SPTLC1: variants seen among roughly 807,000 people sequenced by gnomAD.
SPTLC1 encodes serine palmitoyltransferase long chain base subunit 1, also known as serine palmitoyltransferase 1.
SPTLC1 carries 55 observed loss-of-function variants against 68.9 expected under a neutral mutation model. That is an observed-to-expected ratio of 0.80 (90% CI 0.64 to 1.00). The LOEUF (loss-of-function observed/expected upper bound fraction) is 1.00, where lower values mean the gene tolerates loss of function less well. Ranked by LOEUF, SPTLC1 falls within the 50% of genes least tolerant of loss-of-function variation. The pLI, the probability that SPTLC1 is intolerant of heterozygous loss-of-function variation, is 0.00. For synonymous variants in SPTLC1, 197 were observed against 201.6 expected (o/e 0.98, Z 0.19); for missense variants, 449 against 573.1 (o/e 0.78, Z 2.21).
rs537140001 is a variant in SPTLC1 at position 92,032,477 on chromosome 9, G to A, written c.1410C>T (p.Ala470=). ...AASTIKEVAQ[A]VLL ...CCCGGGACTCTGCCTAGAGCAGGAC[G>A]GCCTGGGCTACCTCCTTGATGGTGG... Residue 470 remains alanine, a synonymous_variant, in exon 15 of 15, where the codon GCC becomes GCT. Transcript: ENST00000262554. 72 of 1,614,184 alleles carry A rather than the reference G, an allele frequency of 4.5e-5. No individual in the cohort carries two copies. In the East Asian group the frequency reaches 1.2e-3, roughly 28 times the overall value.
chr9:92,090,625 A>C (rs913281409), intron 3 of SPTLC1, among the ~76,000 whole-genome samples: 31 of 152,054 alleles, frequency 2.0e-4, no homozygotes, highest in African/African-American at 7.5e-4. Flanking sequence ...AAACAAACAA[A>C]AAAAAATTGG....
intron 2 of SPTLC1, chr9:92,111,153 T>C (rs1245546253): frequency 6.6e-6 from 1 of 152,170 alleles, no homozygotes; most frequent in Non-Finnish European, 1.5e-5. Flanking sequence ...ATTTCCAAAT[T>C]AATTTTCCTA....
chr9:92,058,993 G>A (rs935870998), intron 7 of SPTLC1, among the ~76,000 whole-genome samples, 186 bp downstream of exon 7: 3 of 152,068 alleles, frequency 2.0e-5, no homozygotes, highest in Non-Finnish European at 4.4e-5. Flanking sequence ...ATGTAATTAC[G>A]GCAATGACAA....
chr9:92,080,415 G>T (rs901562186), intron 4 of SPTLC1, among the ~76,000 whole-genome samples: 10 of 152,174 alleles, frequency 6.6e-5, no homozygotes, highest in African/African-American at 2.4e-4. Context: ...GTTCAGTTCT[G>T]TGGTTGCTGC....
intron 6 of SPTLC1, among the ~76,000 whole-genome samples, chr9:92,063,395 C>A (rs1834170623): frequency 6.6e-6 from 1 of 152,064 alleles, no homozygotes; most frequent in Admixed American, 6.6e-5. Flanking sequence ...AAAAAGAAAT[C>A]TCTCCAGGCC....
chr9:92,089,940 A>G (rs933056139), intron 3 of SPTLC1, among the ~76,000 whole-genome samples: 6 of 152,244 alleles, frequency 3.9e-5, no homozygotes, highest in South Asian at 2.1e-4. Flanking sequence ...CCAAGGCTGC[A>G]GGGCAAATAA....
chr9:92,046,769 G>C (rs1218958027), intron 11 of SPTLC1, among the ~76,000 whole-genome samples: 5 of 152,172 alleles, frequency 3.3e-5, no homozygotes, highest in Non-Finnish European at 7.3e-5. Context: ...AAGGCTAAAG[G>C]TGAAAACTCA....
intron 2 of SPTLC1, chr9:92,111,204 T>A (rs1234588554): frequency 6.6e-6 from 1 of 152,154 alleles, no homozygotes; most frequent in African/African-American, 2.4e-5. Context: ...ACAGAACTAG[T>A]CATACTTTAC....
intron 6 of SPTLC1, among the ~76,000 whole-genome samples, chr9:92,059,525 C>T (rs761442469): frequency 2.0e-5 from 3 of 152,142 alleles, no homozygotes; most frequent in South Asian, 2.1e-4. Context: ...AAGAAGCACA[C>T]TCTCACTATA....
intron 1 of SPTLC1, among the ~76,000 whole-genome samples, chr9:92,113,325 T>G (rs1836313945): frequency 6.6e-6 from 1 of 152,140 alleles, no homozygotes; most frequent in South Asian, 2.1e-4. Context: ...ACCCTTTTAG[T>G]TTTCTCAATA....
intron 5 of SPTLC1, among the ~76,000 whole-genome samples, chr9:92,075,447 T>C (rs1564101589): frequency 6.6e-6 from 1 of 152,156 alleles, no homozygotes; most frequent in East Asian, 1.9e-4. Flanking sequence ...AAAAAGGCCC[T>C]AGAGGCAACC....
At chr9:92,054,051 G>A in intron 8 of SPTLC1, 1 of 683,154 alleles carries the variant, frequency 1.5e-6, no homozygotes, top group Non-Finnish European at 1.8e-6. Flanking sequence ...GGAGGCCAAG[G>A]AGGGTGGATC....
At chr9:92,072,891 C>T (rs954300321) in intron 5 of SPTLC1, among the ~76,000 whole-genome samples, 2 of 151,952 alleles carry the variant, frequency 1.3e-5, no homozygotes, top group Non-Finnish European at 2.9e-5. Context: ...CTTCCATCTA[C>T]CTCTCCTTCT....
At chr9:92,041,564 G>A (rs1312476288) in intron 12 of SPTLC1, among the ~76,000 whole-genome samples, 1 of 152,176 alleles carries the variant, frequency 6.6e-6, no homozygotes, top group Non-Finnish European at 1.5e-5. Context: ...CTGAAGAAAC[G>A]ATCAAGCCTT....
chr9:92,061,365 GA>G (rs1443732741), intron 6 of SPTLC1, among the ~76,000 whole-genome samples: 1 of 152,144 alleles, frequency 6.6e-6, no homozygotes, highest in Non-Finnish European at 1.5e-5. Flanking sequence ...AATGCCGAAA[GA>G]AAATAACTGT....
chr9:92,104,791 C>G (rs1835896644), intron 3 of SPTLC1: 1 of 1,533,518 alleles, frequency 6.5e-7, no homozygotes, highest in African/African-American at 1.4e-5. Context: ...AGGGAAACCT[C>G]ACTTCCTCCT....
At position 92,112,500 on chromosome 9, in the gene SPTLC1, G is replaced by C. The variant is rs142153571; in HGVS notation, c.120C>G (p.Phe40Leu). ...ILILWIIRLL[F>L]SKTYKLQERS... The stretch of plus-strand genomic sequence containing the variant: ...GTTCTTGTAATTTGTAAGTCTTAGA[G>C]AAAAGAAGTCTGATTATCCAGAGGA... Residue 40 changes from phenylalanine to leucine, a missense_variant, in exon 2 of 15, where the codon TTC becomes TTG. Physicochemically the swap from Phe to Leu is conservative, Grantham distance 22. Around this residue, in one of 3 missense-constraint regions of SPTLC1, gnomAD observed 46 missense variants for 57.8 expected, o/e 0.80. Coordinates refer to ENST00000262554, the MANE Select transcript of SPTLC1 (RefSeq NM_006415.4). The C allele has an allele frequency of 2.1e-4, 339 of 1,611,368 alleles. 1 individual carries two copies. In the Middle Eastern group the frequency reaches 2.5e-3, roughly 12 times the overall value.
intron 5 of SPTLC1, among the ~76,000 whole-genome samples, chr9:92,071,860 C>T (rs1192096409): frequency 1.3e-5 from 2 of 152,198 alleles, no homozygotes; most frequent in Non-Finnish European, 2.9e-5. Context: ...AGGCTCTACC[C>T]TAACTGATCA....
intron 3 of SPTLC1, among the ~76,000 whole-genome samples, chr9:92,085,026 C>A (rs879683011): frequency 6.6e-6 from 1 of 151,796 alleles, no homozygotes; most frequent in South Asian, 2.1e-4. Context: ...AGTTTATTTG[C>A]GTAGAGGTGT....
Sources: allele counts gnomAD v4.1 joint callset (sites outside exome capture counted in the v4.1 genomes callset), GRCh38; gene constraint gnomAD v4.1.1; regional missense constraint gnomAD v4.1.1; transcripts MANE v1.5; gene names NCBI Gene and HGNC (gene_info 2026-07-23, HGNC 2026-07-21).